Variants in AGTR1 observed in about 807,000 individuals in gnomAD.
AGTR1 encodes the protein type-1 angiotensin II receptor.
In AGTR1, 16 loss-of-function variants were observed where a neutral mutation model predicts 19.4. The ratio of observed to expected loss-of-function variants is 0.82; its 90% CI spans 0.56 to 1.25. The LOEUF (loss-of-function observed/expected upper bound fraction) is 1.25, where lower values mean the gene tolerates loss of function less well. Among genes scored for constraint, AGTR1 ranks in the 50% most tolerant of loss-of-function variants. The probability of loss-of-function intolerance (pLI) is 0.00; values close to 1 mark genes in which losing one functional copy is unlikely to be tolerated. For synonymous variants in AGTR1, 153 were observed against 154.9 expected (o/e 0.99, Z 0.09); for missense variants, 373 against 431.9 (o/e 0.86, Z 1.21).
At chr3:148,718,164 G>T (rs1244895844) in intron 2 of AGTR1, among the ~76,000 whole-genome samples, 1 of 152,182 alleles carries the variant, frequency 6.6e-6, no homozygotes, top group African/African-American at 2.4e-5. Context: ...GAGCTTCCTA[G>T]TATTACACCT....
chr3:148,703,413 C>T (rs1226189337), intron 1 of AGTR1, among the ~76,000 whole-genome samples: 1 of 152,170 alleles, frequency 6.6e-6, no homozygotes, highest in Non-Finnish European at 1.5e-5. Flanking sequence ...ACACAGTGTA[C>T]CGTACCTGTG....
intron 2 of AGTR1, among the ~76,000 whole-genome samples, chr3:148,720,377 C>T (rs1299166178): frequency 1.3e-5 from 2 of 152,094 alleles, no homozygotes; most frequent in Non-Finnish European, 2.9e-5. Flanking sequence ...ATCTAAATAA[C>T]TTCCTATCAT....
intron 2 of AGTR1, among the ~76,000 whole-genome samples, chr3:148,708,593 C>T (rs1712802340): frequency 1.3e-5 from 2 of 152,136 alleles, no homozygotes; most frequent in South Asian, 4.1e-4. Flanking sequence ...ATGGAGGTGC[C>T]CTCTTAGCCT....
At chr3:148,736,283 A>G (rs967305784) in intron 2 of AGTR1, among the ~76,000 whole-genome samples, 3 of 152,228 alleles carry the variant, frequency 2.0e-5, no homozygotes, top group African/African-American at 4.8e-5. Context: ...GCCAACACCT[A>G]TGTTTGCCAC....
intron 1 of AGTR1, among the ~76,000 whole-genome samples, chr3:148,704,999 G>A (rs1390557101): frequency 6.6e-6 from 1 of 152,202 alleles, no homozygotes; most frequent in East Asian, 1.9e-4. Flanking sequence ...ATGACAAGTA[G>A]TGGAAGTTTG....
rs1379061765 is a variant in AGTR1, at chr3:148,716,144, A to G, written c.-48+8117A>G. 6.6e-6 allele frequency among the ~76,000 whole-genome samples: 1 copy of G among 152,178 alleles called. No individual in the cohort carries two copies. The highest frequency in any genetic ancestry group is 2.4e-5 in the African/African-American group (1 of 41,442). ...GGAAGGGGTAAAGTAGTCCTCAGCAAGGCCCTTTTCAGAGCACTCCACCAG... is the reference window on the plus strand; with the variant it reads ...GGAAGGGGTAAAGTAGTCCTCAGCAGGGCCCTTTTCAGAGCACTCCACCAG... On this transcript the variant is annotated intron_variant, in intron 2 of 2. Transcript: ENST00000349243. This position sits in a 1 kb window ranked among gnomAD's most constrained non-coding sequence, Gnocchi z 4.7.
In AGTR1 at chr3:148,741,801, C is replaced by A. The variant is rs776157396; in HGVS notation, c.766C>A (p.His256Asn). 9.9e-6 allele frequency: 16 copies of A among 1,613,230 alleles called. No individual in the cohort carries two copies. Among genetic ancestry groups the A allele is most frequent in the Non-Finnish European group, 1.4e-5 (16 of 1,179,934 alleles). Residue 256 changes from histidine to asparagine, a missense_variant, in exon 3 of 3, where the codon CAC (histidine) becomes AAC (asparagine). His to Asn is a moderately conservative substitution (Grantham distance 68). Coordinates refer to ENST00000349243, the MANE Select transcript of AGTR1 (RefSeq NM_000685.5). ...VLFFFFSWIP[H>N]QIFTFLDVLI... is the part of the protein sequence containing the mutation. ...TTTCTTTTTCTTTTCCTGGATTCCC[C>A]ACCAAATATTCACTTTTCTGGATGT...
chr3:148,709,053 A>T (rs1712832283), intron 2 of AGTR1, among the ~76,000 whole-genome samples: 1 of 152,206 alleles, frequency 6.6e-6, no homozygotes, highest in African/African-American at 2.4e-5. Flanking sequence ...TTGGAGATAA[A>T]AATAGTAACA....
chr3:148,741,198 T>C lies in AGTR1; in HGVS notation c.163T>C (p.Phe55Leu). Reference sequence around the variant, plus strand: ...CAGCTTGGTGGTGATAGTCATTTACTTTTATATGAAGCTGAAGACTGTGGC... The same window carrying C: ...CAGCTTGGTGGTGATAGTCATTTACCTTTATATGAAGCTGAAGACTGTGGC... The part of the protein sequence containing the change: ...GNSLVVIVIY[F>L]YMKLKTVASV... Residue 55 changes from phenylalanine (F) to leucine (L), a missense_variant, in exon 3 of 3, where the codon TTT becomes CTT. By Grantham distance (22) the Phe-to-Leu change is conservative. Coordinates refer to ENST00000349243, the MANE Select transcript of AGTR1 (RefSeq NM_000685.5). 6.2e-7 allele frequency: 1 copy of C among 1,614,108 alleles called. No individual in the cohort carries two copies. Among genetic ancestry groups the C allele is most frequent in the Non-Finnish European group, 8.5e-7 (1 of 1,179,950 alleles).
intron 2 of AGTR1, among the ~76,000 whole-genome samples, chr3:148,721,063 G>A (rs1379212042): frequency 2.0e-5 from 3 of 152,174 alleles, no homozygotes; most frequent in Non-Finnish European, 2.9e-5. Context: ...GACGAGGTGA[G>A]TTGTCTGTTT....
At chr3:148,707,442 C>T (rs1471456671) in intron 1 of AGTR1, among the ~76,000 whole-genome samples, 1 of 151,918 alleles carries the variant, frequency 6.6e-6, no homozygotes, top group Non-Finnish European at 1.5e-5. Context: ...GACGCGTTAG[C>T]ATTACTTCTG....
chr3:148,724,659 A>G (rs1176079811), intron 2 of AGTR1, among the ~76,000 whole-genome samples: 2 of 152,130 alleles, frequency 1.3e-5, no homozygotes, highest in Non-Finnish European at 2.9e-5. Context: ...AGATACAGCT[A>G]CCCTCCAAAC....
chr3:148,700,440 C>T (rs375719717), intron 1 of AGTR1, among the ~76,000 whole-genome samples: 1 of 152,084 alleles, frequency 6.6e-6, no homozygotes, highest in African/African-American at 2.4e-5. Flanking sequence ...CTGAGAGTTG[C>T]TGTATTTTGC....
chr3:148,704,459 A>G (rs1428299436), intron 1 of AGTR1, among the ~76,000 whole-genome samples: 1 of 152,210 alleles, frequency 6.6e-6, no homozygotes, highest in Non-Finnish European at 1.5e-5. Context: ...CTCTCATGCT[A>G]TAAAGTAAAT....
chr3:148,715,002 T>C (rs1037639144), intron 2 of AGTR1, among the ~76,000 whole-genome samples: 2 of 152,182 alleles, frequency 1.3e-5, no homozygotes, highest in African/African-American at 4.8e-5. Context: ...GTGCAAAATG[T>C]CATGTACTAG....
intron 2 of AGTR1, among the ~76,000 whole-genome samples, chr3:148,723,647 T>A (rs529058537): frequency 6.6e-6 from 1 of 152,154 alleles, no homozygotes; most frequent in East Asian, 1.9e-4. Context: ...GCAAGAACAA[T>A]GAGGGGTAGG....
At chr3:148,730,788 C>T (rs1258935934) in intron 2 of AGTR1, among the ~76,000 whole-genome samples, 2 of 152,148 alleles carry the variant, frequency 1.3e-5, no homozygotes, top group African/African-American at 4.8e-5. Flanking sequence ...ATTTACATCT[C>T]TAACAAATTT....
intron 2 of AGTR1, chr3:148,739,703 ACTACT>A: frequency 3.5e-6 from 4 of 1,129,926 alleles, no homozygotes; most frequent in Non-Finnish European, 3.3e-6. Context: ...CAAAGTGAAC[ACTACT>A]CTAAGAACAT....
intron 2 of AGTR1, among the ~76,000 whole-genome samples, chr3:148,723,852 C>G (rs1158703259): frequency 1.3e-5 from 2 of 152,170 alleles, no homozygotes; most frequent in Non-Finnish European, 2.9e-5. Flanking sequence ...GGGGGAATGT[C>G]TAACAAACAG....
Sources: gnomAD v4.1 joint callset for allele counts (sites outside exome capture counted in the v4.1 genomes callset) on GRCh38, gnomAD v4.1.1 for gene constraint, Gnocchi (gnomAD v3.1) non-coding constraint, MANE v1.5 for transcripts, NCBI Gene and HGNC (gene_info 2026-07-23, HGNC 2026-07-21) for gene names.